SYT10: variants seen among roughly 807,000 people sequenced by gnomAD.
SYT10 encodes the protein synaptotagmin 10, also known as synaptotagmin-10.
In SYT10, 31 loss-of-function variants were observed where a neutral mutation model predicts 51.1. That is an observed-to-expected ratio of 0.61 (90% CI 0.46 to 0.82). SYT10 has a LOEUF of 0.82. Among genes scored for constraint, SYT10 ranks in the 40% least tolerant of loss-of-function variants. The pLI is 0.00. For missense variants in SYT10, 603 were observed against 634.0 expected, an observed-to-expected ratio of 0.95 and a Z score of 0.53; for synonymous variants, 233 against 225.9, an observed-to-expected ratio of 1.03 and a Z score of -0.28.
At chr12:33,383,031 T>C (rs1295206853) in intron 4 of SYT10, among the ~76,000 whole-genome samples, 2 of 152,200 alleles carry the variant, frequency 1.3e-5, no homozygotes, top group East Asian at 3.8e-4. Flanking sequence ...AAAAATTTAG[T>C]TGGGCTACAT....
intron 3 of SYT10, among the ~76,000 whole-genome samples, chr12:33,392,774 C>T (rs377063207): frequency 1.3e-5 from 2 of 151,486 alleles, no homozygotes; most frequent in African/African-American, 2.4e-5. Context: ...AGGGCAGGAA[C>T]GGGGCAAAGA....
At chr12:33,400,637 TTA>T (rs1375276863) in intron 3 of SYT10, among the ~76,000 whole-genome samples, 1 of 152,030 alleles carries the variant, frequency 6.6e-6, no homozygotes, top group Non-Finnish European at 1.5e-5. Flanking sequence ...ATGAAGGTAG[TTA>T]TGTTAAAAAA....
intron 2 of SYT10, among the ~76,000 whole-genome samples, chr12:33,415,819 CA>C (rs1194470827): frequency 6.6e-6 from 1 of 152,070 alleles, no homozygotes; most frequent in Non-Finnish European, 1.5e-5. Context: ...ATATACCATG[CA>C]AAAAACTATA....
Position 33,383,929 on chromosome 12 carries a change from T to C in SYT10, c.1198+1242A>G, listed in dbSNP as rs1866137025. Among the ~76,000 whole-genome samples, 3 of 152,174 alleles carry C rather than the reference T, an allele frequency of 2.0e-5. No individual in the cohort carries two copies. In the South Asian group the frequency reaches 6.2e-4, roughly 32 times the overall value. ...TCTTTTCATACATGGTAAAAAGGAG[T>C]AGAATAAACAATTTGCAGAGTACAC... is the stretch of plus-strand genomic sequence containing the variant. On this transcript the variant is annotated intron_variant, in intron 4 of 6. Coordinates refer to ENST00000228567, the MANE Select transcript of SYT10 (RefSeq NM_198992.4).
intron 3 of SYT10, chr12:33,404,879 G>C (rs548487121): frequency 1.3e-5 from 2 of 152,212 alleles, no homozygotes; most frequent in South Asian, 4.1e-4. Flanking sequence ...GCATATGGGA[G>C]AGTTGCAAAT....
At chr12:33,387,794 G>C (rs1866170155) in intron 3 of SYT10, among the ~76,000 whole-genome samples, 1 of 139,288 alleles carries the variant, frequency 7.2e-6, no homozygotes, top group African/African-American at 2.8e-5. Context: ...CTGTCACCCA[G>C]GCTGGAGGGC....
At chr12:33,400,278 A>T (rs1866291391) in intron 3 of SYT10, among the ~76,000 whole-genome samples, 1 of 152,204 alleles carries the variant, frequency 6.6e-6, no homozygotes, top group African/African-American at 2.4e-5. Flanking sequence ...GTAGAATTAA[A>T]AAGACACCTC....
chr12:33,409,579 TCTCGG>T (rs1379970944), intron 2 of SYT10, among the ~76,000 whole-genome samples: 20 of 151,864 alleles, frequency 1.3e-4, no homozygotes, highest in African/African-American at 4.8e-4. Context: ...AGTGGCGTGA[TCTCGG>T]CTCACTGCGA....
chr12:33,380,484 T>C (rs2138381665), intron 5 of SYT10, among the ~76,000 whole-genome samples: 1 of 152,320 alleles, frequency 6.6e-6, no homozygotes, highest in Middle Eastern at 3.4e-3. Flanking sequence ...GCATGGCATG[T>C]GATTTATTTT....
rs543453095 is a variant in SYT10 at position 33,382,357 on chromosome 12, A to T, written c.1362T>A (p.Asp454Glu). The T allele has an allele frequency of 6.2e-7, 1 of 1,603,974 alleles. No individual in the cohort carries two copies. The highest frequency in any genetic ancestry group is 1.1e-5 in the South Asian group (1 of 89,398). ...AAGAGAGATACACATACCTATCGTA[A>T]TCCATGACCGCAATGGAGAGGCTGA... ...DQVSLSIAVMDYDRVGHNEVI... is the reference protein window; with the variant it reads ...DQVSLSIAVMEYDRVGHNEVI... Residue 454 changes from aspartate to glutamate, a missense_variant, in exon 5 of 7, where the codon GAT becomes GAA. By Grantham distance (45) the Asp-to-Glu change is conservative (BLOSUM62 2). Coordinates refer to ENST00000228567, the MANE Select transcript of SYT10 (RefSeq NM_198992.4).
intron 4 of SYT10, among the ~76,000 whole-genome samples, chr12:33,383,109 A>T (rs965611873): frequency 6.6e-6 from 1 of 152,172 alleles, no homozygotes; most frequent in African/African-American, 2.4e-5. Flanking sequence ...CATCTATCCT[A>T]TTACCCTTAC....
At chr12:33,381,860 A>G (rs145114428) in intron 5 of SYT10, among the ~76,000 whole-genome samples, 2,345 of 152,232 alleles carry the variant, frequency 0.015, 27 homozygotes, top group South Asian at 0.023. Flanking sequence ...CCTTATGACT[A>G]CTTATTCACT....
At chr12:33,387,017 T>C (rs1866162308) in intron 3 of SYT10, among the ~76,000 whole-genome samples, 1 of 152,198 alleles carries the variant, frequency 6.6e-6, no homozygotes, top group Non-Finnish European at 1.5e-5. Flanking sequence ...AAGAGTTGTT[T>C]ACAGGATTCA....
At chr12:33,394,325 T>C (rs1480643662) in intron 3 of SYT10, among the ~76,000 whole-genome samples, 3 of 152,248 alleles carry the variant, frequency 2.0e-5, no homozygotes, top group Non-Finnish European at 4.4e-5. Flanking sequence ...TAGTCTTGTA[T>C]AATATTGCCA....
chr12:33,404,119 T>C (rs143374717), intron 3 of SYT10, among the ~76,000 whole-genome samples: 2,407 of 152,322 alleles, frequency 0.016, 34 homozygotes, highest in Non-Finnish European at 0.025. Flanking sequence ...GCCCCAAAGA[T>C]AGGCATGTCC....
At chr12:33,377,983 C>T (rs1403166239) in intron 6 of SYT10, among the ~76,000 whole-genome samples, 1 of 152,142 alleles carries the variant, frequency 6.6e-6, no homozygotes, top group African/African-American at 2.4e-5. Flanking sequence ...ATGGACACAA[C>T]TCTCAAATAA....
intron 6 of SYT10, among the ~76,000 whole-genome samples, chr12:33,377,125 G>T (rs1866069729): frequency 6.6e-6 from 1 of 152,134 alleles, no homozygotes; most frequent in South Asian, 2.1e-4. Context: ...AGATGTACAT[G>T]GAGCAGCCCT....
chr12:33,431,936 GA>G (rs57680461), intron 1 of SYT10, among the ~76,000 whole-genome samples: 1,553 of 152,066 alleles, frequency 0.01, 13 homozygotes, highest in Non-Finnish European at 0.015. Context: ...ATTATGTTAA[GA>G]AAAAATGCAT....
chr12:33,379,277 C>A (rs998793303), intron 6 of SYT10, among the ~76,000 whole-genome samples: 5 of 152,020 alleles, frequency 3.3e-5, no homozygotes, highest in African/African-American at 1.2e-4. Flanking sequence ...AGTCACACAG[C>A]AGAGCCAGGC....
Sources: allele counts gnomAD v4.1 joint callset (sites outside exome capture counted in the v4.1 genomes callset), GRCh38; gene constraint gnomAD v4.1.1; transcripts MANE v1.5; gene names NCBI Gene and HGNC (gene_info 2026-07-23, HGNC 2026-07-21).